The following SDK1 variants were observed in gnomAD, a reference collection of about 807,000 sequenced individuals.
The protein encoded by SDK1 is protein sidekick-1.
A neutral mutation model predicts 245.5 loss-of-function variants in SDK1; 157 were observed. The observed-to-expected ratio is 0.64, with a 90% CI of 0.56 to 0.73. The LOEUF (loss-of-function observed/expected upper bound fraction) is 0.73. Ranked by LOEUF, SDK1 falls within the 30% of genes least tolerant of loss-of-function variation. The pLI, the probability that SDK1 is intolerant of heterozygous loss-of-function variation, is 0.00. For missense variants in SDK1, 3,583 were observed against 3,002.3 expected (o/e 1.19, Z -4.52); for synonymous variants, 1,647 against 1,278.5 (o/e 1.29, Z -6.15).
At chr7:3,385,817 T>G (rs1781596640) in intron 1 of SDK1, among the ~76,000 whole-genome samples, 1 of 152,198 alleles carries the variant, frequency 6.6e-6, no homozygotes, top group South Asian at 2.1e-4. Context: ...ATAACAAAAT[T>G]GCTTTAGACC....
chr7:4,208,833 C>T lies in SDK1; in HGVS notation c.5401+548C>T, dbSNP rs543077582. ...CTGCGCTGCTGTGGCCTCATCTCCA[C>T]GCACAGGGCGCAGCGCCTGTTCTCA... On this transcript the variant is annotated intron_variant, in intron 37 of 44. Coordinates refer to ENST00000404826, the MANE Select transcript of SDK1 (RefSeq NM_152744.4). 1.7e-3 allele frequency among the ~76,000 whole-genome samples: 262 copies of T among 152,334 alleles called. 2 individuals are homozygous for T. Among genetic ancestry groups the T allele is most frequent in the African/African-American group, 5.8e-3 (241 of 41,586 alleles).
chr7:3,639,010 T>C lies in SDK1; in HGVS notation c.465T>C (p.Ile155=). ...LTTYSSEYKY[I]IPSLQKLDAG... is the part of the protein sequence containing the mutation. ...TCTTTTTGCTATTCAACAGGTACAT[T>C]ATTCCATCTTTGCAGAAGCTCGATG... The change falls in exon 3 of 45, where the codon ATT becomes ATC. Residue 155 remains isoleucine, a synonymous_variant. Coordinates refer to ENST00000404826, the MANE Select transcript of SDK1 (RefSeq NM_152744.4). 5 of 1,595,794 alleles carry C rather than the reference T, an allele frequency of 3.1e-6. No homozygotes were observed. The highest frequency in any genetic ancestry group is 4.3e-6 in the Non-Finnish European group (5 of 1,166,222).
intron 5 of SDK1, among the ~76,000 whole-genome samples, chr7:3,842,510 G>A (rs1269555685): frequency 1.3e-5 from 2 of 152,124 alleles, no homozygotes; most frequent in Non-Finnish European, 2.9e-5. Flanking sequence ...GTGAATTGGT[G>A]CCAGTGACCA....
At chr7:4,224,786 G>T (rs145392513) in intron 40 of SDK1, among the ~76,000 whole-genome samples, 2,087 of 151,890 alleles carry the variant, frequency 0.014, 47 homozygotes, top group African/African-American at 0.048. Context: ...TTTAAGACCA[G>T]CCTGACCAAC....
Position 3,301,822 on chromosome 7 carries a change from G to C in SDK1, c.236G>C (p.Gly79Ala). ...CGGCGGGCGGCAAAGTTGGGGCCGG[G>C]CCGCCGCGGCTGGTGGGCGCTGCTG... ...GGRRAAKLGPGRRGWWALLAL... is the reference protein window; with the variant it reads ...GGRRAAKLGPARRGWWALLAL... The change falls in exon 1 of 45, where the codon GGC becomes GCC. Residue 79 changes from glycine to alanine, a missense_variant. Gly to Ala is a moderately conservative substitution (Grantham distance 60, BLOSUM62 0). Transcript: ENST00000404826. The C allele has an allele frequency of 1.8e-6, 2 of 1,098,422 alleles. No individual in the cohort carries two copies. The highest frequency in any genetic ancestry group is 2.2e-6 in the Non-Finnish European group (2 of 904,134). 68.0% of individuals were successfully genotyped at this position (1,098,422 alleles called of 1,614,324 possible). A position where few individuals can be genotyped will look rare whatever the true frequency, so the allele number is the denominator to read the frequency against.
intron 35 of SDK1, among the ~76,000 whole-genome samples, chr7:4,186,047 G>T (rs1051454252): frequency 9.2e-5 from 14 of 152,210 alleles, no homozygotes; most frequent in Non-Finnish European, 1.9e-4. Flanking sequence ...CAGCTCTCCT[G>T]TTTGCTCTGC....
At chr7:3,350,545 T>C (rs1446397812) in intron 1 of SDK1, among the ~76,000 whole-genome samples, 2 of 152,244 alleles carry the variant, frequency 1.3e-5, no homozygotes, top group African/African-American at 4.8e-5. Context: ...GTATGTCATT[T>C]TGCTTTTTAT....
chr7:4,101,741 C>T (rs976744478), intron 22 of SDK1, among the ~76,000 whole-genome samples: 1 of 152,236 alleles, frequency 6.6e-6, no homozygotes, highest in East Asian at 1.9e-4. Context: ...ACCCCAGAAG[C>T]GTCTGCCTGT....
intron 13 of SDK1, among the ~76,000 whole-genome samples, chr7:3,979,207 C>T (rs1161665493): frequency 6.6e-6 from 1 of 152,210 alleles, no homozygotes; most frequent in Admixed American, 6.5e-5. Context: ...TCATTCATCT[C>T]AAAGGACGGC....
intron 4 of SDK1, among the ~76,000 whole-genome samples, chr7:3,790,691 A>G (rs537160603): frequency 1.3e-5 from 2 of 152,282 alleles, no homozygotes; most frequent in East Asian, 3.9e-4. Flanking sequence ...CTGTGATCCC[A>G]GCTACTCGGG....
intron 5 of SDK1, among the ~76,000 whole-genome samples, chr7:3,882,606 T>C (rs921147176): frequency 3.9e-5 from 6 of 152,210 alleles, no homozygotes; most frequent in Non-Finnish European, 8.8e-5. Flanking sequence ...TTGAGAGAAG[T>C]GTACATGGAG....
chr7:4,005,039 C>CTTTTTTTTTTTTTT (rs1162979240), intron 14 of SDK1, among the ~76,000 whole-genome samples: 2 of 90,994 alleles, frequency 2.2e-5, no homozygotes, highest in Non-Finnish European at 2.1e-5. Context: ...GTTCCTGCAC[C>CTTTTTTTTTTTTTT]TTTTTTTTTT....
chr7:3,909,634 A>G (rs1330039616), intron 5 of SDK1, among the ~76,000 whole-genome samples: 1 of 152,226 alleles, frequency 6.6e-6, no homozygotes, highest in Non-Finnish European at 1.5e-5. Context: ...GAGCTGGCCT[A>G]TATGCGCTCT....
chr7:3,901,055 C>T (rs368002973), intron 5 of SDK1, among the ~76,000 whole-genome samples: 1 of 152,190 alleles, frequency 6.6e-6, no homozygotes, highest in East Asian at 1.9e-4. Flanking sequence ...TAATCGTTCC[C>T]TGGCCTTTCA....
intron 1 of SDK1, among the ~76,000 whole-genome samples, chr7:3,477,189 C>CTTTTTTTTTTTTTTT (rs35328849): frequency 1.3e-5 from 1 of 78,626 alleles, no homozygotes; most frequent in Non-Finnish European, 2.3e-5. Context: ...TGGTTTTCTC[C>CTTTTTTTTTTTTTTT]TTTTTTTTTT....
intron 18 of SDK1, among the ~76,000 whole-genome samples, chr7:4,050,703 T>C (rs111585742): frequency 4.6e-5 from 7 of 152,172 alleles, no homozygotes; most frequent in African/African-American, 1.7e-4. Context: ...ATATAAATTA[T>C]AAATAATTAA....
At chr7:3,874,651 TAC>T (rs1170916001) in intron 5 of SDK1, among the ~76,000 whole-genome samples, 3 of 152,120 alleles carry the variant, frequency 2.0e-5, no homozygotes, top group Non-Finnish European at 4.4e-5. Flanking sequence ...GCCCTCATGC[TAC>T]AGTTTTTGTT....
intron 1 of SDK1, among the ~76,000 whole-genome samples, chr7:3,321,016 C>G (rs576150182): frequency 6.6e-6 from 1 of 152,212 alleles, no homozygotes; most frequent in African/African-American, 2.4e-5. Context: ...TATTTTTCTT[C>G]TGAAATTTAA....
chr7:3,730,596 G>A (rs188436322), intron 4 of SDK1, among the ~76,000 whole-genome samples: 84 of 152,276 alleles, frequency 5.5e-4, no homozygotes, highest in Non-Finnish European at 1.0e-3. Flanking sequence ...CTGAGAGGAT[G>A]AGGTCACAAA....
Sources: allele counts gnomAD v4.1 joint callset (sites outside exome capture counted in the v4.1 genomes callset), GRCh38; gene constraint gnomAD v4.1.1; transcripts MANE v1.5; gene names NCBI Gene and HGNC (gene_info 2026-07-23, HGNC 2026-07-21).